The following PCDHGA1 variants were observed in gnomAD, a reference collection of about 807,000 sequenced individuals.
The protein encoded by PCDHGA1 is protocadherin gamma subfamily A, 1, also known as protocadherin gamma-A1.
A neutral mutation model predicts 58.0 loss-of-function variants in PCDHGA1; 32 were observed. The observed-to-expected ratio is 0.55, with a 90% CI of 0.42 to 0.74. The LOEUF (loss-of-function observed/expected upper bound fraction) is 0.74, where lower values mean the gene tolerates loss of function less well. PCDHGA1 is among the 30% of genes least tolerant of loss of function. The pLI, the probability that PCDHGA1 is intolerant of heterozygous loss-of-function variation, is 0.00. For synonymous variants in PCDHGA1, 498 were observed against 501.1 expected (o/e 0.99, Z 0.08); for missense variants, 1,205 against 1,182.3 (o/e 1.02, Z -0.28).
Position 141,341,372 on chromosome 5 carries a change from G to T in PCDHGA1, c.2421+8267G>T, listed in dbSNP as rs769174770. On this transcript the variant is annotated intron_variant, in intron 1 of 3. Coordinates refer to ENST00000517417, the MANE Select transcript of PCDHGA1 (RefSeq NM_018912.3). ...AGCGCCTCAATCTCTACTCGAAGAA[G>T]AAAGAGAAGAAACGTTTTCTCAGGT... 28 of 1,614,134 alleles carry T rather than the reference G, an allele frequency of 1.7e-5. No homozygotes were observed. In the East Asian group the frequency reaches 6.0e-4, roughly 35 times the overall value.
chr5:141,451,593 C>A (rs2098719809), intron 1 of PCDHGA1, among the ~76,000 whole-genome samples: 1 of 152,042 alleles, frequency 6.6e-6, no homozygotes, highest in African/African-American at 2.4e-5. Context: ...TTGAAAGTGA[C>A]ATACAAGGCT....
Position 141,511,132 on chromosome 5 carries a change from A to G in PCDHGA1, c.2755A>G (p.Asn919Asp). The change falls in exon 4 of 4, where the codon AAT (asparagine) becomes GAT (aspartate). Residue 919 changes from asparagine to aspartate, a missense_variant. Coordinates refer to ENST00000517417, the MANE Select transcript of PCDHGA1 (RefSeq NM_018912.3). ...GGATGGCAAGGCCCCAGCAGGTGGC[A>G]ATGGCAACAAGAAGAAGTCGGGCAA... ...KRDGKAPAGG[N>D]GNKKKSGKKE... is the part of the protein sequence containing the mutation. The G allele has an allele frequency of 6.2e-7, 1 of 1,614,218 alleles. No individual in the cohort carries two copies. Among genetic ancestry groups the G allele is most frequent in the Non-Finnish European group, 8.5e-7 (1 of 1,180,018 alleles).
At chr5:141,374,123 G>A (rs1770158708) in intron 1 of PCDHGA1, 2 of 1,602,040 alleles carry the variant, frequency 1.2e-6, no homozygotes, top group Non-Finnish European at 8.5e-7. Context: ...CAGCGAGCAG[G>A]TCCTGCTCCT....
intron 1 of PCDHGA1, chr5:141,418,002 G>A: frequency 1.9e-6 from 3 of 1,613,916 alleles, no homozygotes; most frequent in Non-Finnish European, 2.5e-6. Flanking sequence ...TCGGTGGTGG[G>A]GAACCTCGCT....
At chr5:141,475,988 A>C (rs1197163866) in intron 1 of PCDHGA1, 29 of 1,114,786 alleles carry the variant, frequency 2.6e-5, no homozygotes, top group Non-Finnish European at 3.2e-5. Context: ...GCCGGCGAGC[A>C]AATCAACGGC....
intron 3 of PCDHGA1, among the ~76,000 whole-genome samples, chr5:141,509,265 C>G (rs1296179995): frequency 1.3e-5 from 2 of 152,138 alleles, no homozygotes; most frequent in African/African-American, 4.8e-5. Flanking sequence ...TTTAGTCACT[C>G]TCGCTACCCG....
chr5:141,357,628 C>T, intron 1 of PCDHGA1: 1 of 1,613,256 alleles, frequency 6.2e-7, no homozygotes, highest in Non-Finnish European at 8.5e-7. Flanking sequence ...TCAGGTGAGT[C>T]AATCTTATAA....
chr5:141,438,471 A>C (rs1019238906), intron 1 of PCDHGA1, among the ~76,000 whole-genome samples: 4 of 151,396 alleles, frequency 2.6e-5, no homozygotes, highest in Admixed American at 2.6e-4. Flanking sequence ...CAATTATTGG[A>C]AAGTGGTCTC....
rs1297434989 is a variant in PCDHGA1 at position 141,332,962 on chromosome 5, A to G, written c.2278A>G (p.Thr760Ala). The G allele has an allele frequency of 1.2e-6, 2 of 1,614,200 alleles. No individual in the cohort carries two copies. Among genetic ancestry groups the G allele is most frequent in the Non-Finnish European group, 8.5e-7 (1 of 1,180,038 alleles). Residue 760 changes from threonine (T) to alanine (A), a missense_variant, in exon 1 of 4, where the codon ACT becomes GCT. Coordinates refer to ENST00000517417, the MANE Select transcript of PCDHGA1 (RefSeq NM_018912.3). The surrounding 1 kb of genome is among the most constrained non-coding windows in gnomAD (Gnocchi z 4.6). Reference protein sequence around the residue: ...LQTYSHEVSLTADSRKSHLIF... With the variant: ...LQTYSHEVSLAADSRKSHLIF... Reference sequence around the variant, plus strand: ...GACCTATTCCCACGAGGTCTCCCTCACTGCGGACTCGCGGAAGAGCCACCT... The same window carrying G: ...GACCTATTCCCACGAGGTCTCCCTCGCTGCGGACTCGCGGAAGAGCCACCT...
intron 1 of PCDHGA1, among the ~76,000 whole-genome samples, chr5:141,470,430 T>C (rs994304635): frequency 6.6e-6 from 1 of 152,232 alleles, no homozygotes; most frequent in Non-Finnish European, 1.5e-5. Flanking sequence ...TTTCCTTGTG[T>C]GCAATAATTT....
chr5:141,360,369 C>G, intron 1 of PCDHGA1: 1 of 1,613,842 alleles, frequency 6.2e-7, no homozygotes, highest in Non-Finnish European at 8.5e-7. Context: ...TCACAGTAAA[C>G]CCAGAAAGCG....
At chr5:141,394,009 GTAATTATTATAGA>G (rs780846520) in intron 1 of PCDHGA1, 1 of 1,613,394 alleles carries the variant, frequency 6.2e-7, no homozygotes, top group Non-Finnish European at 8.5e-7. Context: ...AAGTCAATAG[GTAATTATTATAGA>G]TTAGTGACAA....
intron 1 of PCDHGA1, chr5:141,404,026 A>T: frequency 6.2e-7 from 1 of 1,613,874 alleles, no homozygotes; most frequent in Non-Finnish European, 8.5e-7. Context: ...CAGTGAGAGA[A>T]GACGCACCTC....
At chr5:141,395,727 T>G (rs895493332) in intron 1 of PCDHGA1, 1 of 153,998 alleles carries the variant, frequency 6.5e-6, no homozygotes, top group Non-Finnish European at 1.4e-5. Flanking sequence ...TGTAGATTTC[T>G]TCACTTTAAA....
intron 1 of PCDHGA1, chr5:141,389,358 A>G: frequency 6.2e-7 from 1 of 1,613,908 alleles, no homozygotes; most frequent in Non-Finnish European, 8.5e-7. Flanking sequence ...CATCATGGCC[A>G]GTGACCTGGA....
chr5:141,389,095 CAG>C (rs759384103), intron 1 of PCDHGA1: 4 of 1,613,906 alleles, frequency 2.5e-6, no homozygotes, highest in South Asian at 2.2e-5. Flanking sequence ...AAATTAGTGA[CAG>C]ATGCTGTTCT....
rs367846497 is a variant in PCDHGA1 at position 141,359,217 on chromosome 5, C to A, written c.2421+26112C>A. Among the ~76,000 whole-genome samples, 5 of 152,158 alleles carry A rather than the reference C, an allele frequency of 3.3e-5. No homozygotes were observed. In the East Asian group the frequency reaches 5.8e-4, roughly 18 times the overall value. Reference sequence around the variant, plus strand: ...CAAGTGAATGTTGAGAGACAACTTACATCTGAGGAGAGATTGTTTAAAGTA... The same window carrying A: ...CAAGTGAATGTTGAGAGACAACTTAAATCTGAGGAGAGATTGTTTAAAGTA... On this transcript the variant is annotated intron_variant, in intron 1 of 3. Transcript: ENST00000517417.
In PCDHGA1 at chr5:141,352,702, T is replaced by C. The variant is rs372567445; in HGVS notation, c.2421+19597T>C. ...TCTGCAAATCTAGTTAAATTTTATA[T>C]ATGGCGGCCGGGCGCGGTGGCTCAA... On this transcript the variant is annotated intron_variant, in intron 1 of 3. Coordinates refer to ENST00000517417, the MANE Select transcript of PCDHGA1 (RefSeq NM_018912.3). 128 of 1,548,302 alleles carry C rather than the reference T, an allele frequency of 8.3e-5. No individual in the cohort carries two copies. In the African/African-American group the frequency reaches 1.1e-3, roughly 14 times the overall value.
intron 1 of PCDHGA1, among the ~76,000 whole-genome samples, chr5:141,346,916 A>C (rs935999484): frequency 6.6e-6 from 1 of 152,388 alleles, no homozygotes; most frequent in East Asian, 1.9e-4. Context: ...GTAAAAATAC[A>C]TATGAATAAA....
Sources: allele counts gnomAD v4.1 joint callset (sites outside exome capture counted in the v4.1 genomes callset), GRCh38; gene constraint gnomAD v4.1.1; non-coding constraint Gnocchi (gnomAD v3.1); transcripts MANE v1.5; gene names NCBI Gene and HGNC (gene_info 2026-07-23, HGNC 2026-07-21).